ERBB4: variants seen among roughly 807,000 people sequenced by gnomAD.
ERBB4 encodes receptor tyrosine-protein kinase erbB-4.
A neutral mutation model predicts 158.0 loss-of-function variants in ERBB4; 42 were observed. That is an observed-to-expected ratio of 0.27 (90% CI 0.21 to 0.34). The LOEUF (loss-of-function observed/expected upper bound fraction) is 0.34. Among genes scored for constraint, ERBB4 ranks in the 10% least tolerant of loss-of-function variants. ERBB4 has a pLI of 1.00. For synonymous variants in ERBB4, 583 were observed against 558.7 expected (o/e 1.04, Z -0.61); for missense variants, 1,333 against 1,624.1 (o/e 0.82, Z 3.08).
At chr2:212,169,590 C>A (rs2081452591) in intron 1 of ERBB4, among the ~76,000 whole-genome samples, 1 of 152,114 alleles carries the variant, frequency 6.6e-6, no homozygotes, top group African/African-American at 2.4e-5. Flanking sequence ...CCATTCAGGA[C>A]ATAGATGCAG....
At chr2:211,881,827 G>A (rs1029055829) in intron 3 of ERBB4, among the ~76,000 whole-genome samples, 1 of 152,044 alleles carries the variant, frequency 6.6e-6, no homozygotes, top group African/African-American at 2.4e-5. Flanking sequence ...CTCTTTGTGT[G>A]TCTGCGCCCT....
At chr2:211,956,032 G>GT (rs199741788) in intron 2 of ERBB4, among the ~76,000 whole-genome samples, 4,045 of 95,778 alleles carry the variant, frequency 0.042, 174 homozygotes, top group African/African-American at 0.14. Context: ...TCTCTAAAGT[G>GT]TGTGTGTGTG....
chr2:212,438,660 C>A (rs1274845468), intron 1 of ERBB4, among the ~76,000 whole-genome samples: 1 of 152,014 alleles, frequency 6.6e-6, no homozygotes, highest in Non-Finnish European at 1.5e-5. Flanking sequence ...TGAGTAAATG[C>A]ATATCAAACT....
At chr2:212,096,724 C>A (rs918897651) in intron 2 of ERBB4, among the ~76,000 whole-genome samples, 1 of 152,058 alleles carries the variant, frequency 6.6e-6, no homozygotes, top group Admixed American at 6.6e-5. Context: ...TCTGCTTAGA[C>A]CCTGGGAAAC....
intron 1 of ERBB4, among the ~76,000 whole-genome samples, chr2:212,313,956 C>A (rs1488527993): frequency 6.6e-6 from 1 of 150,906 alleles, no homozygotes; most frequent in Non-Finnish European, 1.5e-5. Context: ...CCCCTTCATC[C>A]CACAATTTAA....
At chr2:212,005,596 T>C (rs536072603) in intron 2 of ERBB4, among the ~76,000 whole-genome samples, 48 of 152,186 alleles carry the variant, frequency 3.2e-4, no homozygotes, top group African/African-American at 1.1e-3. Flanking sequence ...TTCCAAACAG[T>C]GCAAGCAGCA....
intron 3 of ERBB4, among the ~76,000 whole-genome samples, chr2:211,797,667 G>T (rs1053445269): frequency 6.6e-6 from 1 of 151,784 alleles, no homozygotes; most frequent in Non-Finnish European, 1.5e-5. Flanking sequence ...GGGGCTAGAA[G>T]TCTCAGCTAA....
Position 212,142,357 on chromosome 2 carries a change from T to C in ERBB4, c.83-17454A>G, listed in dbSNP as rs543680939. Among the ~76,000 whole-genome samples the C allele has an allele frequency of 3.3e-5, 5 of 151,878 alleles. No homozygotes were observed. The South Asian group carries it at 1.0e-3, about 31-fold the overall frequency. The stretch of plus-strand genomic sequence containing the variant: ...AATAAATATTTAATGAATGAATGGA[T>C]GGATGGATGGATGGATGGACGCATA... On this transcript the variant is annotated intron_variant, in intron 1 of 27. Transcript: ENST00000342788.
intron 1 of ERBB4, among the ~76,000 whole-genome samples, chr2:212,463,419 T>C (rs1247813825): frequency 6.6e-6 from 1 of 152,242 alleles, no homozygotes; most frequent in South Asian, 2.1e-4. Flanking sequence ...TATATGTATA[T>C]ATGCTTTAGA....
intron 2 of ERBB4, among the ~76,000 whole-genome samples, chr2:212,074,518 C>A (rs1029786289): frequency 6.6e-6 from 1 of 151,760 alleles, no homozygotes; most frequent in Non-Finnish European, 1.5e-5. Context: ...ATTATTTAAC[C>A]AAATACTATT....
intron 3 of ERBB4, among the ~76,000 whole-genome samples, chr2:211,886,218 T>A (rs1014374023): frequency 2.0e-5 from 3 of 152,216 alleles, no homozygotes; most frequent in Non-Finnish European, 4.4e-5. Flanking sequence ...TAACCTTTAG[T>A]CAGATTTTCC....
intron 12 of ERBB4, among the ~76,000 whole-genome samples, chr2:211,684,474 GAA>G (rs1249289921): frequency 6.6e-6 from 1 of 151,762 alleles, no homozygotes; most frequent in Non-Finnish European, 1.5e-5. Context: ...AAAAAGAAAA[GAA>G]AAGAAAAGAA....
Position 211,427,389 on chromosome 2 carries a change from G to A in ERBB4, c.2719+1019C>T, listed in dbSNP as rs970469659. Among the ~76,000 whole-genome samples, 6 of 152,074 alleles carry A rather than the reference G, an allele frequency of 3.9e-5. No individual in the cohort carries two copies. In the East Asian group the frequency reaches 5.8e-4, roughly 15 times the overall value. On this transcript the variant is annotated intron_variant, in intron 22 of 27. Transcript: ENST00000342788. ...ATATGATATATTTAAACTTAGAAAC[G>A]TATTGACTCCTTCTTGGTATTACCG...
At chr2:211,601,368 ATAT>A (rs1390306867) in intron 19 of ERBB4, among the ~76,000 whole-genome samples, 1 of 152,038 alleles carries the variant, frequency 6.6e-6, no homozygotes, top group East Asian at 1.9e-4. Flanking sequence ...AGTGTGAAAA[ATAT>A]TATCAAAGAT....
intron 1 of ERBB4, among the ~76,000 whole-genome samples, chr2:212,275,607 C>A (rs909419728): frequency 1.3e-5 from 2 of 151,790 alleles, no homozygotes; most frequent in Non-Finnish European, 2.9e-5. Flanking sequence ...AAATAAAATT[C>A]TTTACAGACA....
intron 23 of ERBB4, among the ~76,000 whole-genome samples, chr2:211,423,542 A>G (rs1251614534): frequency 6.6e-6 from 1 of 151,980 alleles, no homozygotes. Context: ...TTTATAATAC[A>G]TATGTGTCTG....
chr2:211,638,651 T>C (rs1445424251), intron 16 of ERBB4, among the ~76,000 whole-genome samples: 2 of 152,184 alleles, frequency 1.3e-5, no homozygotes, highest in Non-Finnish European at 2.9e-5. Flanking sequence ...GTTTTTTGAC[T>C]CGGCTTTATG....
intron 1 of ERBB4, among the ~76,000 whole-genome samples, chr2:212,483,785 G>A (rs1689833322): frequency 6.6e-6 from 1 of 152,128 alleles, no homozygotes; most frequent in Non-Finnish European, 1.5e-5. Context: ...TGCCCAGGCT[G>A]GAGTGCAGTG....
chr2:211,651,357 A>T (rs531433387), intron 16 of ERBB4, among the ~76,000 whole-genome samples: 1 of 152,304 alleles, frequency 6.6e-6, no homozygotes, highest in Admixed American at 6.5e-5. Context: ...AAGAAAAAAT[A>T]AGAATGGCAC....
Sources: gnomAD v4.1 joint callset for allele counts (sites outside exome capture counted in the v4.1 genomes callset) on GRCh38, gnomAD v4.1.1 for gene constraint, MANE v1.5 for transcripts, NCBI Gene and HGNC (gene_info 2026-07-23, HGNC 2026-07-21) for gene names.